The following COL14A1 variants were observed in gnomAD, a reference collection of about 807,000 sequenced individuals.
COL14A1 encodes the protein collagen type XIV alpha 1 chain.
A neutral mutation model predicts 230.3 loss-of-function variants in COL14A1; 136 were observed. The observed-to-expected ratio is 0.59, with a 90% CI of 0.51 to 0.68. The LOEUF (loss-of-function observed/expected upper bound fraction) is 0.68, where lower values mean the gene tolerates loss of function less well. COL14A1 is among the 30% of genes least tolerant of loss of function. The probability of loss-of-function intolerance (pLI) is 0.00; values close to 1 mark genes in which losing one functional copy is unlikely to be tolerated. For missense variants in COL14A1, 1,976 were observed against 2,215.8 expected, an observed-to-expected ratio of 0.89 and a Z score of 2.17; for synonymous variants, 792 against 784.1, an observed-to-expected ratio of 1.01 and a Z score of -0.17.
At chr8:120,256,734 A>C (rs1012371208) in intron 23 of COL14A1, among the ~76,000 whole-genome samples, 1 of 152,222 alleles carries the variant, frequency 6.6e-6, no homozygotes, top group Non-Finnish European at 1.5e-5. Flanking sequence ...TATGTTTCCT[A>C]TATTTCTTTA....
At chr8:120,150,532 T>A (rs1021831155) in intron 2 of COL14A1, among the ~76,000 whole-genome samples, 73 of 152,222 alleles carry the variant, frequency 4.8e-4, no homozygotes, top group African/African-American at 1.8e-3. Context: ...GCAGATAGGG[T>A]CTTTCATCTT....
intron 34 of COL14A1, among the ~76,000 whole-genome samples, chr8:120,292,815 T>G (rs968092711): frequency 5.9e-5 from 9 of 152,208 alleles, no homozygotes; most frequent in Non-Finnish European, 1.3e-4. Context: ...CATTTAGTCT[T>G]TAAAGAAACT....
intron 19 of COL14A1, among the ~76,000 whole-genome samples, chr8:120,242,904 G>A (rs1180958653): frequency 6.6e-6 from 1 of 152,196 alleles, no homozygotes; most frequent in Admixed American, 6.5e-5. Context: ...TCATCCAGAA[G>A]GAGACAGCAT....
At chr8:120,314,913 A>C (rs1018286020) in intron 38 of COL14A1, among the ~76,000 whole-genome samples, 1 of 152,258 alleles carries the variant, frequency 6.6e-6, no homozygotes, top group Non-Finnish European at 1.5e-5. Context: ...TGTAAAATCC[A>C]AGCCGTAAAT....
chr8:120,178,300 C>T (rs983106647), intron 5 of COL14A1, among the ~76,000 whole-genome samples: 13 of 152,246 alleles, frequency 8.5e-5, no homozygotes, highest in Non-Finnish European at 4.4e-5. Flanking sequence ...TTGTTCAACT[C>T]CCACTTATGA....
intron 1 of COL14A1, among the ~76,000 whole-genome samples, chr8:120,142,405 G>A (rs1814944077): frequency 6.6e-6 from 1 of 152,120 alleles, no homozygotes; most frequent in African/African-American, 2.4e-5. Context: ...TGACTTTGTA[G>A]GGTTAGGGTT....
At chr8:120,176,737 G>A (rs943147426) in intron 5 of COL14A1, among the ~76,000 whole-genome samples, 2 of 152,096 alleles carry the variant, frequency 1.3e-5, no homozygotes, top group South Asian at 2.1e-4. Flanking sequence ...AGGACATTGG[G>A]GTTAAGTGTG....
rs191986187 is a variant in COL14A1, at chr8:120,160,894, G to T, written c.206-1532G>T. Among the ~76,000 whole-genome samples, 390 of 151,950 alleles carry T rather than the reference G, an allele frequency of 2.6e-3. 3 individuals carry two copies. Among genetic ancestry groups the T allele is most frequent in the African/African-American group, 9.1e-3 (378 of 41,478 alleles). The stretch of plus-strand genomic sequence containing the variant: ...TTAAACAGAGTTTAAAGCTTTTTTT[G>T]TTTGTTTGTTTGTTTCAGGAATCTC... On this transcript the variant is annotated intron_variant, in intron 3 of 47. Coordinates refer to ENST00000297848, the MANE Select transcript of COL14A1 (RefSeq NM_021110.4).
chr8:120,318,322 A>G (rs1185531586), intron 40 of COL14A1, among the ~76,000 whole-genome samples: 2 of 152,176 alleles, frequency 1.3e-5, no homozygotes, highest in African/African-American at 2.4e-5. Context: ...CTGTTTGCCT[A>G]GAGGAGATGG....
At chr8:120,228,868 T>G in intron 18 of COL14A1, 99 bp downstream of exon 18, 2 of 1,040,434 alleles carry the variant, frequency 1.9e-6, no homozygotes, top group Non-Finnish European at 2.9e-6. Flanking sequence ...GGAAAAGAGA[T>G]GACCCTCCCT....
intron 33 of COL14A1, among the ~76,000 whole-genome samples, chr8:120,287,549 C>G (rs376480126): frequency 6.6e-6 from 1 of 152,158 alleles, no homozygotes; most frequent in Non-Finnish European, 1.5e-5. Flanking sequence ...TCCAAAGAAT[C>G]CTTTGTAAGT....
chr8:120,351,617 C>A (rs1822784784), intron 45 of COL14A1, among the ~76,000 whole-genome samples: 1 of 140,886 alleles, frequency 7.1e-6, no homozygotes, highest in South Asian at 2.4e-4. Context: ...CACCTCTATG[C>A]AAATAAACTA....
At chr8:120,189,525 G>A (rs1339294978) in intron 5 of COL14A1, among the ~76,000 whole-genome samples, 2 of 150,822 alleles carry the variant, frequency 1.3e-5, no homozygotes, top group Non-Finnish European at 1.5e-5. Flanking sequence ...GGGTACATGT[G>A]CACAATGTGC....
intron 21 of COL14A1, among the ~76,000 whole-genome samples, chr8:120,249,790 T>C (rs1364276528): frequency 1.3e-5 from 2 of 152,182 alleles, no homozygotes; most frequent in Non-Finnish European, 2.9e-5. Flanking sequence ...GGGAGAAATA[T>C]ACATGTATGG....
intron 8 of COL14A1, among the ~76,000 whole-genome samples, chr8:120,203,103 G>A (rs1306623471): frequency 1.3e-5 from 2 of 148,812 alleles, no homozygotes; most frequent in Non-Finnish European, 1.5e-5. Flanking sequence ...TAGGATGCTG[G>A]TTTAATTACT....
At chr8:120,327,056 C>T (rs1267298010) in intron 40 of COL14A1, among the ~76,000 whole-genome samples, 1 of 152,048 alleles carries the variant, frequency 6.6e-6, no homozygotes, top group African/African-American at 2.4e-5. Flanking sequence ...AACAAAAACC[C>T]ACCTTTGTTC....
At chr8:120,183,230 A>G (rs983007874) in intron 5 of COL14A1, among the ~76,000 whole-genome samples, 2 of 152,176 alleles carry the variant, frequency 1.3e-5, no homozygotes, top group Admixed American at 1.3e-4. Context: ...AGGAAGTGGG[A>G]GATATACATG....
intron 33 of COL14A1, among the ~76,000 whole-genome samples, chr8:120,286,621 TG>T (rs1820212773): frequency 6.6e-6 from 1 of 152,174 alleles, no homozygotes; most frequent in African/African-American, 2.4e-5. Context: ...GCCATTCTCC[TG>T]CCTCAGCCTC....
At chr8:120,328,511 C>T (rs961318561) in intron 40 of COL14A1, among the ~76,000 whole-genome samples, 2 of 152,026 alleles carry the variant, frequency 1.3e-5, no homozygotes, top group African/African-American at 4.8e-5. Context: ...GGATTACAGG[C>T]ATGAGCCACC....
Sources: gnomAD v4.1 joint callset for allele counts (sites outside exome capture counted in the v4.1 genomes callset) on GRCh38, gnomAD v4.1.1 for gene constraint, MANE v1.5 for transcripts, NCBI Gene and HGNC (gene_info 2026-07-23, HGNC 2026-07-21) for gene names.